BRWD1: variants seen among roughly 807,000 people sequenced by gnomAD.
The protein encoded by BRWD1 is bromodomain and WD repeat domain containing 1, also known as bromodomain and WD repeat-containing protein 1.
Under a neutral mutation model 251.2 loss-of-function variants are expected in BRWD1, and 82 were observed. The ratio of observed to expected loss-of-function variants is 0.33; its 90% CI spans 0.27 to 0.39. The LOEUF (loss-of-function observed/expected upper bound fraction) is 0.39, where lower values mean the gene tolerates loss of function less well. Among genes scored for constraint, BRWD1 ranks in the 10% least tolerant of loss-of-function variants. The pLI is 1.00. For missense variants in BRWD1, 2,233 were observed against 2,711.6 expected (o/e 0.82, Z 3.92); for synonymous variants, 918 against 902.8 (o/e 1.02, Z -0.30).
intron 26 of BRWD1, among the ~76,000 whole-genome samples, chr21:39,229,057 T>C (rs1345666061): frequency 6.6e-6 from 1 of 152,166 alleles, no homozygotes; most frequent in African/African-American, 2.4e-5. Flanking sequence ...TATGTCAGAA[T>C]TCCCCACCCA....
intron 19 of BRWD1, among the ~76,000 whole-genome samples, chr21:39,255,194 T>G (rs1051310862): frequency 3.3e-5 from 5 of 152,092 alleles, no homozygotes; most frequent in African/African-American, 1.2e-4. Context: ...GTGGAGCGCC[T>G]GAGGTCAGGA....
chr21:39,289,726 T>C (rs2035748467), intron 8 of BRWD1, among the ~76,000 whole-genome samples: 1 of 152,176 alleles, frequency 6.6e-6, no homozygotes, highest in Non-Finnish European at 1.5e-5. Flanking sequence ...TTACTTCTAT[T>C]AAGAAGCTAG....
At chr21:39,296,436 G>A (rs1164586193) in intron 5 of BRWD1, 73 bp from the exon 6 acceptor site, 7 of 1,432,216 alleles carry the variant, frequency 4.9e-6, no homozygotes, top group African/African-American at 2.9e-5. Context: ...GAATACTTAC[G>A]TATATTGTAA....
chr21:39,227,937 A>C (rs936047894), intron 27 of BRWD1, among the ~76,000 whole-genome samples: 1 of 152,184 alleles, frequency 6.6e-6, no homozygotes, highest in African/African-American at 2.4e-5. Context: ...GAGTGAAAAT[A>C]ATCTTTTCCA....
At chr21:39,292,453 T>C (rs901851357) in intron 8 of BRWD1, among the ~76,000 whole-genome samples, 7 of 152,174 alleles carry the variant, frequency 4.6e-5, no homozygotes, top group African/African-American at 1.7e-4. Flanking sequence ...TGCCTTCTGA[T>C]GGAAGAACTT....
In BRWD1 at chr21:39,205,958, T is replaced by C. The variant is rs142424286; in HGVS notation, c.4364+150A>G. 99 of 697,500 alleles carry C rather than the reference T, an allele frequency of 1.4e-4. 1 individual carries two copies. The highest frequency in any genetic ancestry group is 9.9e-4 in the African/African-American group (55 of 55,486). 43.2% of individuals were successfully genotyped at this position (697,500 alleles called of 1,614,324 possible). A position where few individuals can be genotyped will look rare whatever the true frequency, so the allele number is the denominator to read the frequency against. ...AGCCAGATGTGATGGTGTGCGCCTGTAGTCCCAGCTACTTGGGAGGCTGAG... is the reference window on the plus strand; with the variant it reads ...AGCCAGATGTGATGGTGTGCGCCTGCAGTCCCAGCTACTTGGGAGGCTGAG... On this transcript the variant is annotated intron_variant, in intron 37 of 40. Coordinates refer to ENST00000342449, the MANE Select transcript of BRWD1 (RefSeq NM_033656.4).
intron 11 of BRWD1, 117 bp from the exon 12 acceptor site, chr21:39,276,330 T>C: frequency 1.3e-6 from 1 of 749,414 alleles, no homozygotes; most frequent in Non-Finnish European, 2.1e-6. Context: ...TTTGCACTTG[T>C]GTTGCTTAGC....
chr21:39,200,394 A>G lies in BRWD1; in HGVS notation c.4586-8T>C. 1 of 1,609,956 alleles carries G rather than the reference A, an allele frequency of 6.2e-7. No individual in the cohort carries two copies. Among genetic ancestry groups the G allele is most frequent in the Non-Finnish European group, 8.5e-7 (1 of 1,178,066 alleles). ...AATCTTCCACTTCACTTTCTAGGAA[A>G]AATAAAGTGTAAATAGTTACATATA... On this transcript the variant is annotated splice_region_variant and splice_polypyrimidine_tract_variant and intron_variant, in intron 38 of 40. Coordinates refer to ENST00000342449, the MANE Select transcript of BRWD1 (RefSeq NM_033656.4).
Position 39,190,692 on chromosome 21 carries a change from TC to T in BRWD1, c.*5566del, listed in dbSNP as rs1235308659. On this transcript the variant is annotated 3_prime_UTR_variant, in exon 41 of 41. Coordinates refer to ENST00000342449, the MANE Select transcript of BRWD1 (RefSeq NM_033656.4). ...CCCAAAGCAGAAGTTTCCAAAAACATCCCATAAACTGAAGTACCCCAATGGC... is the reference window on the plus strand; with the variant it reads ...CCCAAAGCAGAAGTTTCCAAAAACATCCATAAACTGAAGTACCCCAATGGC... 2.0e-6 allele frequency: 2 copies of T among 985,252 alleles called. No individual in the cohort carries two copies. Among genetic ancestry groups the T allele is most frequent in the Non-Finnish European group, 2.4e-6 (2 of 829,918 alleles). 61.0% of individuals were successfully genotyped at this position (985,252 alleles called of 1,614,324 possible). A position where few individuals can be genotyped will look rare whatever the true frequency, so the allele number is the denominator to read the frequency against.
chr21:39,199,239 A>C lies in BRWD1; in HGVS notation c.5177T>G (p.Leu1726Trp). 6.2e-7 allele frequency: 1 copy of C among 1,614,184 alleles called. No homozygotes were observed. The highest frequency in any genetic ancestry group is 8.5e-7 in the Non-Finnish European group (1 of 1,180,034). Residue 1726 changes from leucine (L) to tryptophan (W), a missense_variant, in exon 40 of 41, where the codon TTG becomes TGG. Leu to Trp is a moderately conservative substitution (Grantham distance 61). Around this residue, in one of 12 missense-constraint regions of BRWD1, gnomAD observed 928 missense variants for 970.0 expected, o/e 0.96. Transcript: ENST00000342449. ...ATGCCAATTTTTCCGGGCTACCCGC[A>C]AATCACTTTCTGACTCTGAGTCTCT... ...ENRDSESESDLRVARKNWHAN... is the reference protein window; with the variant it reads ...ENRDSESESDWRVARKNWHAN...
rs2031495001 is a variant in BRWD1 at position 39,190,465 on chromosome 21, T to C, written c.*5794A>G. The C allele has an allele frequency of 1.0e-5, 10 of 985,294 alleles. No homozygotes were observed. Among genetic ancestry groups the C allele is most frequent in the Non-Finnish European group, 1.2e-5 (10 of 829,876 alleles). 61.0% of individuals were successfully genotyped at this position (985,294 alleles called of 1,614,324 possible). ...TTCATAAACTCCTAGAATCTTGACA[T>C]TATTGGTTGCTGTGGTTGGTGGATA... On this transcript the variant is annotated 3_prime_UTR_variant, in exon 41 of 41. Transcript: ENST00000342449.
intron 20 of BRWD1, among the ~76,000 whole-genome samples, chr21:39,249,393 G>A (rs2034315154): frequency 6.6e-6 from 1 of 152,114 alleles, no homozygotes; most frequent in Non-Finnish European, 1.5e-5. Flanking sequence ...GTAAGTATGT[G>A]TATTTTCAGG....
rs1017425986 is a variant in BRWD1, at chr21:39,197,221, A to C, written c.5848T>G (p.Leu1950Val). ...TTGCTTCTAGTGTGCACATTTTCTA[A>C]ACTGACATCTTCTACATCACTCATG... Reference protein sequence around the residue: ...KLMSDVEDVSLENVHTRSKNG... With the variant: ...KLMSDVEDVSVENVHTRSKNG... The change falls in exon 41 of 41, where the codon TTA (leucine) becomes GTA (valine). Residue 1950 changes from leucine to valine, a missense_variant. Leu to Val is a conservative substitution (Grantham distance 32, BLOSUM62 1). Transcript: ENST00000342449. The C allele has an allele frequency of 4.3e-6, 7 of 1,614,016 alleles. No individual in the cohort carries two copies. Among genetic ancestry groups the C allele is most frequent in the Middle Eastern group, 1.6e-4 (1 of 6,062 alleles).
intron 18 of BRWD1, among the ~76,000 whole-genome samples, chr21:39,257,693 A>C (rs986107655): frequency 6.6e-6 from 1 of 152,178 alleles, no homozygotes; most frequent in Non-Finnish European, 1.5e-5. Context: ...TATTATGGTT[A>C]TGTAAGAGAA....
At chr21:39,296,420 T>C in intron 5 of BRWD1, 57 bp from the exon 6 acceptor site, 1 of 1,485,288 alleles carries the variant, frequency 6.7e-7, no homozygotes, top group South Asian at 1.5e-5. Context: ...CAAGAAAGAT[T>C]TTATAGAATA....
intron 12 of BRWD1, 150 bp downstream of exon 12, chr21:39,276,023 A>C: frequency 1.8e-6 from 1 of 566,624 alleles, no homozygotes; most frequent in Non-Finnish European, 2.4e-6. Flanking sequence ...CGAGAGCGAA[A>C]CTCCATCTCA....
chr21:39,261,889 C>T (rs1056449585), intron 17 of BRWD1, among the ~76,000 whole-genome samples: 1 of 152,102 alleles, frequency 6.6e-6, no homozygotes, highest in Non-Finnish European at 1.5e-5. Flanking sequence ...AAATACTCTA[C>T]ACTTAATAGA....
intron 32 of BRWD1, among the ~76,000 whole-genome samples, chr21:39,214,120 T>C (rs1223998877): frequency 6.6e-6 from 1 of 152,020 alleles, no homozygotes; most frequent in African/African-American, 2.4e-5. Context: ...TCTCCAAGAC[T>C]TAGGACAGAA....
At position 39,196,256 on chromosome 21, in the gene BRWD1, A is replaced by C. The variant is rs527292833; in HGVS notation, c.*3T>G. On this transcript the variant is annotated 3_prime_UTR_variant, in exon 41 of 41. Coordinates refer to ENST00000342449, the MANE Select transcript of BRWD1 (RefSeq NM_033656.4). ...TCTTAAATGAACTGGCTTTCCCTCAAGGTCATAAGGTGCAACCATTGAAAT... is the reference window on the plus strand; with the variant it reads ...TCTTAAATGAACTGGCTTTCCCTCACGGTCATAAGGTGCAACCATTGAAAT... The C allele has an allele frequency of 4.5e-6, 7 of 1,567,722 alleles. No individual in the cohort carries two copies. The South Asian group carries it at 7.3e-5, about 16-fold the overall frequency.
Sources: allele counts gnomAD v4.1 joint callset (sites outside exome capture counted in the v4.1 genomes callset), GRCh38; gene constraint gnomAD v4.1.1; regional missense constraint gnomAD v4.1.1; transcripts MANE v1.5; gene names NCBI Gene and HGNC (gene_info 2026-07-23, HGNC 2026-07-21).